PPP6R3: variants seen among roughly 807,000 people sequenced by gnomAD.
PPP6R3 encodes the protein protein phosphatase 6 regulatory subunit 3.
Under a neutral mutation model 110.7 loss-of-function variants are expected in PPP6R3, and 38 were observed. That is an observed-to-expected ratio of 0.34 (90% CI 0.26 to 0.45). The LOEUF is 0.45. Among genes scored for constraint, PPP6R3 ranks in the 20% least tolerant of loss-of-function variants. The pLI, the probability that PPP6R3 is intolerant of heterozygous loss-of-function variation, is 1.00. For synonymous variants in PPP6R3, 369 were observed against 373.5 expected (o/e 0.99, Z 0.14); for missense variants, 870 against 1,062.4 (o/e 0.82, Z 2.52).
rs552639177 is a variant in PPP6R3, at chr11:68,578,122, A to G, written c.1545+2079A>G. On this transcript the variant is annotated intron_variant, in intron 14 of 23. Transcript: ENST00000393800. Reference sequence around the variant, plus strand: ...TATTGTGAGGGCTACAGCTATTCCAAGTGTTTAATATGCTTATATAGTAGG... The same window carrying G: ...TATTGTGAGGGCTACAGCTATTCCAGGTGTTTAATATGCTTATATAGTAGG... 2.6e-5 allele frequency among the ~76,000 whole-genome samples: 4 copies of G among 152,186 alleles called. No individual in the cohort carries two copies. The South Asian group carries it at 6.2e-4, about 24-fold the overall frequency.
At chr11:68,496,353 C>T (rs2099015856) in intron 1 of PPP6R3, among the ~76,000 whole-genome samples, 1 of 151,918 alleles carries the variant, frequency 6.6e-6, no homozygotes, top group African/African-American at 2.4e-5. Context: ...ATCCCTCCTT[C>T]CTTTTTGAGA....
chr11:68,588,708 G>C (rs1029933500), intron 16 of PPP6R3, among the ~76,000 whole-genome samples: 1 of 150,144 alleles, frequency 6.7e-6, no homozygotes, highest in Non-Finnish European at 1.5e-5. Flanking sequence ...GCTTCCCATA[G>C]TGCTGGGATT....
chr11:68,491,046 C>A (rs779871151), intron 1 of PPP6R3, among the ~76,000 whole-genome samples: 2 of 151,892 alleles, frequency 1.3e-5, no homozygotes, highest in African/African-American at 4.8e-5. Context: ...ATTAGCTGGG[C>A]GTGGTGGCAC....
chr11:68,513,379 C>T (rs2099120409), intron 1 of PPP6R3, among the ~76,000 whole-genome samples: 2 of 152,000 alleles, frequency 1.3e-5, no homozygotes, highest in South Asian at 2.1e-4. Context: ...TGAAATTGTT[C>T]CCTTGCAAAA....
Position 68,590,325 on chromosome 11 carries a change from T to C in PPP6R3, c.1731-335T>C, listed in dbSNP as rs779306642. Among the ~76,000 whole-genome samples, 8 of 152,198 alleles carry C rather than the reference T, an allele frequency of 5.3e-5. No individual in the cohort carries two copies. The East Asian group carries it at 1.2e-3, about 22-fold the overall frequency. ...TACTTCATGTTTTGACTTGGTTCTT[T>C]GCAAATAACCTTTTTCTTGGTTATA... On this transcript the variant is annotated intron_variant, in intron 16 of 23. Transcript: ENST00000393800.
At chr11:68,542,402 T>TTTTTTTTTTTTG (rs1565717815) in intron 3 of PPP6R3, among the ~76,000 whole-genome samples, 15 of 111,496 alleles carry the variant, frequency 1.3e-4, no homozygotes, top group African/African-American at 4.8e-4. Context: ...TTTTTTTTTT[T>TTTTTTTTTTTTG]TTTTTTTTTA....
At chr11:68,533,824 G>A (rs1341911877) in intron 2 of PPP6R3, among the ~76,000 whole-genome samples, 1 of 151,468 alleles carries the variant, frequency 6.6e-6, no homozygotes, top group Admixed American at 6.6e-5. Context: ...CCCACAAAGT[G>A]ATGGCTGGGG....
intron 4 of PPP6R3, among the ~76,000 whole-genome samples, chr11:68,547,253 C>A (rs2099352923): frequency 6.6e-6 from 1 of 152,098 alleles, no homozygotes; most frequent in Non-Finnish European, 1.5e-5. Context: ...ATCCAACCCC[C>A]CACGCCCCAG....
intron 6 of PPP6R3, among the ~76,000 whole-genome samples, chr11:68,553,298 T>TTTC (rs1555150045): frequency 6.6e-6 from 1 of 151,814 alleles, no homozygotes; most frequent in Non-Finnish European, 1.5e-5. Flanking sequence ...TTTTACTTTT[T>TTTC]TTTTTTTTTT....
intron 15 of PPP6R3, chr11:68,587,577 G>A: frequency 2.9e-6 from 1 of 341,514 alleles, no homozygotes; most frequent in Non-Finnish European, 5.6e-6. Context: ...GTGTCCAGAG[G>A]TGACTGATAC....
intron 1 of PPP6R3, among the ~76,000 whole-genome samples, chr11:68,463,809 G>A (rs921784238): frequency 1.4e-4 from 21 of 152,220 alleles, no homozygotes; most frequent in African/African-American, 5.1e-4. Flanking sequence ...CTCAGTTGGG[G>A]GTGGTTCCCC....
At chr11:68,594,929 A>G (rs2099608931) in intron 18 of PPP6R3, among the ~76,000 whole-genome samples, 1 of 152,226 alleles carries the variant, frequency 6.6e-6, no homozygotes, top group African/African-American at 2.4e-5. Flanking sequence ...ATATATGGAC[A>G]ACTGACTTTT....
intron 1 of PPP6R3, among the ~76,000 whole-genome samples, chr11:68,504,371 G>C (rs183407621): frequency 2.0e-5 from 3 of 152,238 alleles, no homozygotes; most frequent in Admixed American, 2.0e-4. Flanking sequence ...TGTAGAGCTT[G>C]TCCTTCTGCC....
chr11:68,576,215 T>C (rs914179464), intron 14 of PPP6R3, among the ~76,000 whole-genome samples, 172 bp downstream of exon 14: 3 of 152,194 alleles, frequency 2.0e-5, no homozygotes, highest in Admixed American at 2.0e-4. Context: ...TGCCCATTTG[T>C]CTAGTCCACT....
intron 1 of PPP6R3, among the ~76,000 whole-genome samples, chr11:68,503,904 AG>A (rs1197525543): frequency 6.6e-6 from 1 of 152,270 alleles, no homozygotes; most frequent in Non-Finnish European, 1.5e-5. Context: ...CTCACTGAAG[AG>A]AAAAGCAAAT....
At position 68,560,377 on chromosome 11, in the gene PPP6R3, CTTTA is replaced by C. The variant is rs200637451; in HGVS notation, c.845+1699_845+1702del. On this transcript the variant is annotated intron_variant, in intron 8 of 23. Coordinates refer to ENST00000393800, the MANE Select transcript of PPP6R3 (RefSeq NM_001164161.2). ...AATAGGAATGACTGTGTGCTATGGA[CTTTA>C]ACACTGTTTCCTGTGGAGTTCAGAT... Among the ~76,000 whole-genome samples the C allele has an allele frequency of 4.1e-3, 620 of 152,276 alleles. 2 individuals carry two copies. The highest frequency in any genetic ancestry group is 0.014 in the African/African-American group (573 of 41,536).
intron 3 of PPP6R3, among the ~76,000 whole-genome samples, chr11:68,542,476 C>T (rs892854200): frequency 6.9e-6 from 1 of 144,050 alleles, no homozygotes; most frequent in African/African-American, 2.6e-5. Context: ...TGGCTGCAAC[C>T]TCTGCCTCCC....
intron 1 of PPP6R3, among the ~76,000 whole-genome samples, chr11:68,492,125 C>T (rs975223200): frequency 2.0e-5 from 3 of 152,154 alleles, no homozygotes; most frequent in African/African-American, 4.8e-5. Context: ...TCAAGGTTTA[C>T]TCATGTTGTA....
chr11:68,463,537 T>C (rs1271302204), intron 1 of PPP6R3, among the ~76,000 whole-genome samples: 1 of 152,114 alleles, frequency 6.6e-6, no homozygotes, highest in Non-Finnish European at 1.5e-5. Flanking sequence ...TGTTTGTGTG[T>C]GTGTGTGTTT....
Sources: allele counts gnomAD v4.1 joint callset (sites outside exome capture counted in the v4.1 genomes callset), GRCh38; gene constraint gnomAD v4.1.1; transcripts MANE v1.5; gene names NCBI Gene and HGNC (gene_info 2026-07-23, HGNC 2026-07-21).